The following VWF variants were observed in gnomAD, a reference collection of about 807,000 sequenced individuals.
The protein encoded by VWF is Factor VIII related antigen.
VWF carries 176 observed loss-of-function variants against 308.6 expected under a neutral mutation model. The ratio of observed to expected loss-of-function variants is 0.57; its 90% CI spans 0.50 to 0.65. VWF has a LOEUF of 0.65. Among genes scored for constraint, VWF ranks in the 30% least tolerant of loss-of-function variants. The pLI, the probability that VWF is intolerant of heterozygous loss-of-function variation, is 0.00. For missense variants in VWF, 3,146 were observed against 3,648.2 expected (o/e 0.86, Z 3.55); for synonymous variants, 1,385 against 1,443.4 (o/e 0.96, Z 0.92).
chr12:6,073,791 A>T, intron 7 of VWF, 50 bp from the exon 8 acceptor site: 1 of 1,611,824 alleles, frequency 6.2e-7, no homozygotes, highest in Non-Finnish European at 8.5e-7. Context: ...CCACCGGTGC[A>T]TCATCTCACC....
chr12:6,098,563 G>T (rs1451985758), intron 5 of VWF, among the ~76,000 whole-genome samples: 1 of 152,116 alleles, frequency 6.6e-6, no homozygotes, highest in African/African-American at 2.4e-5. Context: ...CGGATCACGA[G>T]GTCGGGAGAT....
chr12:6,028,167 A>G (rs1388676220), intron 22 of VWF, among the ~76,000 whole-genome samples: 1 of 152,208 alleles, frequency 6.6e-6, no homozygotes, highest in Non-Finnish European at 1.5e-5. Context: ...TGCCACTTAA[A>G]GAAATCATGC....
In VWF at chr12:5,968,147, G is replaced by A. The variant is rs1471476983; in HGVS notation, c.7750C>T (p.Leu2584Phe). ...CRCERMEACM[L>F]NGTVIGPGKT... ...CTCACCCCAATGACAGTGCCATTGA[G>A]CATGCAGGCCTCCATGCGCTCTGGG... The change falls in exon 46 of 52, where the codon CTC (leucine) becomes TTC (phenylalanine). Residue 2584 changes from leucine to phenylalanine, a missense_variant. By Grantham distance (22) the Leu-to-Phe change is conservative. Around this residue, in one of 3 missense-constraint regions of VWF, gnomAD observed 989 missense variants for 1,117.4 expected, o/e 0.89. Coordinates refer to ENST00000261405, the MANE Select transcript of VWF (RefSeq NM_000552.5). 40 of 1,614,012 alleles carry A rather than the reference G, an allele frequency of 2.5e-5. No homozygotes were observed. The highest frequency in any genetic ancestry group is 3.2e-5 in the Non-Finnish European group (38 of 1,180,022).
intron 5 of VWF, among the ~76,000 whole-genome samples, chr12:6,103,510 A>C (rs1158566555): frequency 1.4e-5 from 2 of 138,814 alleles, no homozygotes; most frequent in South Asian, 4.4e-4. Context: ...ACACGTATAT[A>C]TATACACACA....
intron 3 of VWF, among the ~76,000 whole-genome samples, chr12:6,118,773 C>T (rs1323709081): frequency 6.6e-6 from 1 of 152,108 alleles, no homozygotes; most frequent in Non-Finnish European, 1.5e-5. Context: ...TCAGCTCTGC[C>T]GTGATTTATA....
chr12:6,110,852 C>A lies in VWF; in HGVS notation c.323+14G>T. On this transcript the variant is annotated intron_variant, in intron 4 of 51. Transcript: ENST00000261405. Reference sequence around the variant, plus strand: ...TCCCTAGGGTCCTTTCTAACTCAGACATTGTTGGCTTACCTTTGGTCCCCC... The same window carrying A: ...TCCCTAGGGTCCTTTCTAACTCAGAAATTGTTGGCTTACCTTTGGTCCCCC... 6.2e-7 allele frequency: 1 copy of A among 1,613,076 alleles called. No individual in the cohort carries two copies. The highest frequency in any genetic ancestry group is 8.5e-7 in the Non-Finnish European group (1 of 1,179,076).
chr12:6,068,221 C>T (rs1467012747), intron 10 of VWF, among the ~76,000 whole-genome samples: 4 of 151,368 alleles, frequency 2.6e-5, no homozygotes, highest in South Asian at 2.1e-4. Context: ...AAAAACAAAA[C>T]GGAACCTCTC....
chr12:6,032,126 T>C (rs1565836875), intron 20 of VWF, among the ~76,000 whole-genome samples: 1 of 152,132 alleles, frequency 6.6e-6, no homozygotes, highest in East Asian at 1.9e-4. Context: ...GTCAATTGCA[T>C]AGAAAATTAA....
rs79546995 is a variant in VWF at position 6,115,892 on chromosome 12, C to G, written c.221-4924G>C. ...CCCGACTGAGAACCCCTGGTTTCCA[C>G]TGTGGAAATGGAGCAGAGCCTACAC... On this transcript the variant is annotated intron_variant, in intron 3 of 51. Coordinates refer to ENST00000261405, the MANE Select transcript of VWF (RefSeq NM_000552.5). Among the ~76,000 whole-genome samples, 479 of 152,204 alleles carry G rather than the reference C, an allele frequency of 3.1e-3. 11 individuals carry two copies. The South Asian group carries it at 0.046, about 15-fold the overall frequency.
Position 6,075,065 on chromosome 12 carries a change from G to A in VWF, c.874+270C>T, listed in dbSNP as rs542931829. Among the ~76,000 whole-genome samples, 30 of 151,498 alleles carry A rather than the reference G, an allele frequency of 2.0e-4. No homozygotes were observed. The East Asian group carries it at 5.5e-3, about 28-fold the overall frequency. ...AGAACACTGTGTGAGTGCAGGGGTC[G>A]GATTTCCTGAGGGAAGTCAGGGGGC... is the stretch of plus-strand genomic sequence containing the variant. On this transcript the variant is annotated intron_variant, in intron 7 of 51. Coordinates refer to ENST00000261405, the MANE Select transcript of VWF (RefSeq NM_000552.5). The surrounding 1 kb of genome is among the most constrained non-coding windows in gnomAD (Gnocchi z 4.7).
chr12:5,975,109 C>T (rs1018854334), intron 43 of VWF, among the ~76,000 whole-genome samples: 12 of 152,232 alleles, frequency 7.9e-5, no homozygotes, highest in African/African-American at 2.7e-4. Flanking sequence ...GCGTCATCCT[C>T]TCCCAAAGGT....
At chr12:5,987,702 A>T (rs1322737065) in intron 38 of VWF, among the ~76,000 whole-genome samples, 1 of 152,276 alleles carries the variant, frequency 6.6e-6, no homozygotes, top group Non-Finnish European at 1.5e-5. Flanking sequence ...TCATGGATGA[A>T]TCCCAAAAGC....
At chr12:6,066,395 C>G (rs1258868541) in intron 10 of VWF, among the ~76,000 whole-genome samples, 1 of 152,226 alleles carries the variant, frequency 6.6e-6, no homozygotes, top group Non-Finnish European at 1.5e-5. Context: ...ATCTACTCTA[C>G]AGAAAAAGAA....
intron 47 of VWF, among the ~76,000 whole-genome samples, chr12:5,966,124 G>A (rs1943400375): frequency 6.6e-6 from 1 of 152,146 alleles, no homozygotes; most frequent in Non-Finnish European, 1.5e-5. Context: ...GTCTCCACAG[G>A]CTGGCATTGA....
At position 6,057,084 on chromosome 12, in the gene VWF, G is replaced by A; in HGVS notation, c.1730-12C>T. ...CTCGGAGAACCTGGCTGTGGGGCGA[G>A]AGGAGCGAGCCTGGGATGTGGTGGG... is the stretch of plus-strand genomic sequence containing the variant. On this transcript the variant is annotated splice_polypyrimidine_tract_variant and intron_variant, in intron 14 of 51. Coordinates refer to ENST00000261405, the MANE Select transcript of VWF (RefSeq NM_000552.5). 1 of 1,531,180 alleles carries A rather than the reference G, an allele frequency of 6.5e-7. No individual in the cohort carries two copies. Among genetic ancestry groups the A allele is most frequent in the East Asian group, 2.4e-5 (1 of 40,864 alleles). 94.8% of individuals were successfully genotyped at this position (1,531,180 alleles called of 1,614,324 possible). A position where few individuals can be genotyped will look rare whatever the true frequency, so the allele number is the denominator to read the frequency against.
At chr12:6,040,753 G>A (rs907028582) in intron 18 of VWF, among the ~76,000 whole-genome samples, 2 of 152,202 alleles carry the variant, frequency 1.3e-5, no homozygotes, top group African/African-American at 2.4e-5. Context: ...ACCTTTGCAC[G>A]ATGGCAGGAG....
chr12:5,967,577 A>T lies in VWF; in HGVS notation c.7796T>A (p.Val2599Glu). 3 of 1,613,938 alleles carry T rather than the reference A, an allele frequency of 1.9e-6. No homozygotes were observed. Among genetic ancestry groups the T allele is most frequent in the African/African-American group, 1.3e-5 (1 of 74,972 alleles). ...CACCATGCAGCGGCAGGTCGTGCAC[A>T]CATCGATCATCACAGTCTTCCCGGG... ...IGPGKTVMID[V>E]CTTCRCMVQV... The change falls in exon 47 of 52, where the codon GTG (valine) becomes GAG (glutamate). Residue 2599 changes from valine (V) to glutamate (E), a missense_variant. Physicochemically the swap from Val to Glu is moderately radical, Grantham distance 121. This residue lies in a region of VWF where 989 missense variants were observed against 1,117.4 expected (regional missense o/e 0.89). Transcript: ENST00000261405.
In VWF at chr12:6,036,457, C is replaced by G. The variant is rs368825064; in HGVS notation, c.2477G>C (p.Arg826Thr). 1.2e-6 allele frequency: 2 copies of G among 1,614,226 alleles called. No homozygotes were observed. Among genetic ancestry groups the G allele is most frequent in the Admixed American group, 3.3e-5 (2 of 60,028 alleles). Residue 826 changes from arginine (R) to threonine (T), a missense_variant, in exon 19 of 52, where the codon AGG (arginine) becomes ACG (threonine). Physicochemically the swap from Arg to Thr is moderately conservative, Grantham distance 71. This residue lies in a region of VWF where 1,304 missense variants were observed against 1,353.0 expected (regional missense o/e 0.96). Transcript: ENST00000261405. ...CTTGCCCTGATGGAAGCAGGGACAC[C>G]TTTCCAGGGCCACACATCTGTTCTC... is the stretch of plus-strand genomic sequence containing the variant. The part of the protein sequence containing the change: ...RHENRCVALE[R>T]CPCFHQGKEY...
intron 49 of VWF, among the ~76,000 whole-genome samples, 165 bp from the exon 50 acceptor site, chr12:5,952,048 C>A (rs1379005778): frequency 2.6e-5 from 4 of 152,182 alleles, no homozygotes; most frequent in Admixed American, 6.5e-5. Flanking sequence ...GACCACCCTA[C>A]CTGACCAGGC....
Sources: gnomAD v4.1 joint callset for allele counts (sites outside exome capture counted in the v4.1 genomes callset) on GRCh38, gnomAD v4.1.1 for gene constraint, gnomAD v4.1.1 regional missense constraint, Gnocchi (gnomAD v3.1) non-coding constraint, MANE v1.5 for transcripts, NCBI Gene and HGNC (gene_info 2026-07-23, HGNC 2026-07-21) for gene names.